Variants in MAGEC3 observed in about 807,000 individuals in gnomAD.
MAGEC3 encodes MAGE family member C3.
A neutral mutation model predicts 35.3 loss-of-function variants in MAGEC3; 34 were observed. The ratio of observed to expected loss-of-function variants is 0.96; its 90% CI spans 0.73 to 1.28. The LOEUF is 1.28. Among genes scored for constraint, MAGEC3 ranks in the 50% most tolerant of loss-of-function variants. The pLI is 0.00. For missense variants in MAGEC3, 561 were observed against 483.6 expected, an observed-to-expected ratio of 1.16 and a Z score of -1.50; for synonymous variants, 202 against 185.6, an observed-to-expected ratio of 1.09 and a Z score of -0.72.
At chrX:141,884,085 G>A (rs758054157) in intron 4 of MAGEC3, among the ~76,000 whole-genome samples, 21 of 112,933 alleles carry the variant, frequency 1.9e-4, no homozygotes, top group African/African-American at 6.4e-4. Context: ...ATTGTGTGAT[G>A]GTTAATACTG....
intron 2 of MAGEC3, among the ~76,000 whole-genome samples, chrX:141,878,238 G>T (rs192685726): frequency 2.8e-5 from 3 of 108,270 alleles, no homozygotes; most frequent in Non-Finnish European, 3.8e-5. Flanking sequence ...GAACAGAGAG[G>T]TGAAGTGCCG....
At chrX:141,841,434 G>T (rs1237059002) in intron 1 of MAGEC3, among the ~76,000 whole-genome samples, 1 of 111,652 alleles carries the variant, frequency 9.0e-6, no homozygotes, top group Non-Finnish European at 1.9e-5. Flanking sequence ...CCTGGGTGAT[G>T]AAATAATCTG....
intron 3 of MAGEC3, among the ~76,000 whole-genome samples, chrX:141,880,132 C>T (rs1007521824): frequency 3.6e-5 from 4 of 111,429 alleles, no homozygotes; most frequent in African/African-American, 9.8e-5. Flanking sequence ...GCACAGGGAG[C>T]TGCCTCCAGT....
At chrX:141,846,458 G>A (rs1404307894) in intron 1 of MAGEC3, among the ~76,000 whole-genome samples, 2 of 109,393 alleles carry the variant, frequency 1.8e-5, no homozygotes, top group African/African-American at 6.6e-5. Context: ...TAATAGTCTT[G>A]CCTCCTTAAG....
chrX:141,882,449 A>G (rs761461942), intron 4 of MAGEC3, among the ~76,000 whole-genome samples: 189 of 111,975 alleles, frequency 1.7e-3, no homozygotes, highest in African/African-American at 5.5e-3. Flanking sequence ...CTTGTCTCTT[A>G]TTTTGTGATC....
intron 2 of MAGEC3, among the ~76,000 whole-genome samples, chrX:141,869,173 C>T (rs996423907): frequency 9.0e-6 from 1 of 111,166 alleles, no homozygotes; most frequent in Non-Finnish European, 1.9e-5. Flanking sequence ...CGTGAGCCAC[C>T]GCGCCCGGCC....
At chrX:141,840,218 A>C (rs187300765) in intron 1 of MAGEC3, among the ~76,000 whole-genome samples, 32 of 112,028 alleles carry the variant, frequency 2.9e-4, no homozygotes, top group African/African-American at 9.1e-4. Context: ...CATTCATAGC[A>C]TCACAAACCA....
chrX:141,881,264 C>G, intron 3 of MAGEC3, 139 bp from the exon 4 acceptor site: 1 of 672,486 alleles, frequency 1.5e-6, no homozygotes, highest in Non-Finnish European at 2.2e-6. Flanking sequence ...GGGATGCTGC[C>G]TCTTCCCCAG....
chrX:141,867,442 A>G (rs2017856200), intron 2 of MAGEC3, among the ~76,000 whole-genome samples: 1 of 111,646 alleles, frequency 9.0e-6, no homozygotes, highest in Non-Finnish European at 1.9e-5. Flanking sequence ...GATAAGCACA[A>G]CAAAGAAACA....
At position 141,859,770 on chromosome X, in the gene MAGEC3, G is replaced by A. The variant is rs767707825; in HGVS notation, c.124-5701G>A. Among the ~76,000 whole-genome samples the A allele has an allele frequency of 1.4e-4, 16 of 111,289 alleles. No homozygotes were observed. The South Asian group carries it at 3.0e-3, about 21-fold the overall frequency. On this transcript the variant is annotated intron_variant, in intron 1 of 7. Transcript: ENST00000298296. ...TTGTCTCCCCTATATCCCAGATAGG[G>A]CACTGCAGACATTTCCAACCCAGAG...
chrX:141,840,239 G>C (rs2124077143), intron 1 of MAGEC3, among the ~76,000 whole-genome samples: 1 of 111,849 alleles, frequency 8.9e-6, no homozygotes, highest in East Asian at 2.8e-4. Flanking sequence ...CTAAAGAAAA[G>C]TGATATTTTA....
chrX:141,894,162 G>T (rs1602632681), intron 4 of MAGEC3, among the ~76,000 whole-genome samples: 2 of 111,772 alleles, frequency 1.8e-5, no homozygotes, highest in South Asian at 7.5e-4. Context: ...TGCCTTGACT[G>T]ACCTCAAAAG....
intron 6 of MAGEC3, chrX:141,896,595 T>A: frequency 1.7e-6 from 2 of 1,190,596 alleles, no homozygotes; most frequent in Non-Finnish European, 2.3e-6. Flanking sequence ...GCCTGTGGGA[T>A]CCCATCATCC....
At chrX:141,867,884 A>G (rs779749109) in intron 2 of MAGEC3, among the ~76,000 whole-genome samples, 6 of 112,299 alleles carry the variant, frequency 5.3e-5, no homozygotes, top group East Asian at 2.8e-4. Context: ...GCACTTTGGG[A>G]GGCCAAGGCG....
chrX:141,869,379 AAAC>A (rs1252758558), intron 2 of MAGEC3, among the ~76,000 whole-genome samples: 1 of 112,336 alleles, frequency 8.9e-6, no homozygotes, highest in African/African-American at 3.2e-5. Flanking sequence ...AGAAAGAAAC[AAAC>A]AACCTTTAAA....
At chrX:141,839,983 C>A in intron 1 of MAGEC3, 1 of 748,813 alleles carries the variant, frequency 1.3e-6, no homozygotes, top group South Asian at 6.8e-5. Flanking sequence ...CTGAGTTTAA[C>A]ATAATTTGCT....
chrX:141,863,863 G>C (rs2017830825), intron 1 of MAGEC3, among the ~76,000 whole-genome samples: 1 of 111,426 alleles, frequency 9.0e-6, no homozygotes, highest in South Asian at 3.7e-4. Context: ...CTCATTTATT[G>C]CTGGTTGGAA....
At chrX:141,874,399 A>C (rs1165456617) in intron 2 of MAGEC3, among the ~76,000 whole-genome samples, 2 of 112,048 alleles carry the variant, frequency 1.8e-5, no homozygotes, top group East Asian at 5.6e-4. Flanking sequence ...AAATTCTGTT[A>C]AGAGAACAAA....
intron 2 of MAGEC3, among the ~76,000 whole-genome samples, chrX:141,866,368 C>T (rs1343024122): frequency 3.6e-5 from 4 of 111,864 alleles, no homozygotes; most frequent in Admixed American, 1.9e-4. Flanking sequence ...TATATTTTTG[C>T]ATGTGGATGT....
Sources: allele counts gnomAD v4.1 joint callset (sites outside exome capture counted in the v4.1 genomes callset), GRCh38; gene constraint gnomAD v4.1.1; transcripts MANE v1.5; gene names NCBI Gene and HGNC (gene_info 2026-07-23, HGNC 2026-07-21).